The following LRRC7 variants were observed in gnomAD, a reference collection of about 807,000 sequenced individuals.
The protein encoded by LRRC7 is leucine rich repeat containing 7, also known as leucine-rich repeat-containing protein 7.
LRRC7 carries 23 observed loss-of-function variants against 175.7 expected under a neutral mutation model. The ratio of observed to expected loss-of-function variants is 0.13; its 90% CI spans 0.09 to 0.19. LRRC7 has a LOEUF of 0.19. LRRC7 is among the 10% of genes least tolerant of loss of function. The probability of loss-of-function intolerance (pLI) is 1.00; values close to 1 mark genes in which losing one functional copy is unlikely to be tolerated. For synonymous variants in LRRC7, 685 were observed against 680.9 expected (o/e 1.01, Z -0.09); for missense variants, 1,354 against 1,904.7 (o/e 0.71, Z 5.38).
intron 2 of LRRC7, among the ~76,000 whole-genome samples, chr1:69,746,142 C>T (rs995790759): frequency 6.6e-6 from 1 of 151,896 alleles, no homozygotes; most frequent in Non-Finnish European, 1.5e-5. Flanking sequence ...CTTCAATTTA[C>T]ATCCATGATG....
At chr1:69,797,978 A>C (rs1385202614) in intron 4 of LRRC7, among the ~76,000 whole-genome samples, 1 of 151,894 alleles carries the variant, frequency 6.6e-6, no homozygotes, top group Non-Finnish European at 1.5e-5. Context: ...CTGGAGTGCA[A>C]TGGCATGATC....
intron 7 of LRRC7, among the ~76,000 whole-genome samples, chr1:69,859,397 A>G (rs1486994134): frequency 6.6e-6 from 1 of 152,094 alleles, no homozygotes; most frequent in Non-Finnish European, 1.5e-5. Context: ...TCACACACCT[A>G]TATAGAAGGC....
intron 5 of LRRC7, among the ~76,000 whole-genome samples, chr1:69,827,574 G>T (rs1057410438): frequency 6.6e-6 from 1 of 151,982 alleles, no homozygotes; most frequent in South Asian, 2.1e-4. Flanking sequence ...CTCTGGCCAG[G>T]CATGGTTGCT....
intron 21 of LRRC7, among the ~76,000 whole-genome samples, chr1:70,043,045 A>G (rs886705395): frequency 6.6e-6 from 1 of 152,096 alleles, no homozygotes; most frequent in Admixed American, 6.5e-5. Context: ...AAATGCTGTC[A>G]ATGATTACAT....
intron 1 of LRRC7, among the ~76,000 whole-genome samples, chr1:69,659,647 G>A (rs1035556320): frequency 6.6e-6 from 1 of 151,754 alleles, no homozygotes; most frequent in African/African-American, 2.4e-5. Context: ...TTTTCAACAA[G>A]AGGGACAAAA....
intron 1 of LRRC7, among the ~76,000 whole-genome samples, chr1:69,598,529 T>C (rs1179869786): frequency 3.3e-5 from 5 of 152,156 alleles, no homozygotes; most frequent in South Asian, 2.1e-4. Context: ...TCCTTCTTGC[T>C]AGGGGAAGTC....
chr1:69,740,976 G>T (rs11801428), intron 2 of LRRC7, among the ~76,000 whole-genome samples: 3,489 of 151,896 alleles, frequency 0.023, 141 homozygotes, highest in African/African-American at 0.08. Flanking sequence ...TGTAAATATT[G>T]TATATATGTA....
In LRRC7 at chr1:69,623,008, T is replaced by G. The variant is rs989465213; in HGVS notation, c.2+54367T>G. 5.3e-5 allele frequency among the ~76,000 whole-genome samples: 8 copies of G among 152,294 alleles called. 1 individual carries two copies. ...TCTGGACAAGAACCAAGTTGTCTAC[T>G]GCTGGGGATGTTCAGAGTATCCCTG... On this transcript the variant is annotated intron_variant, in intron 1 of 26. Coordinates refer to ENST00000651989, the MANE Select transcript of LRRC7 (RefSeq NM_001370785.2).
rs565165474 is a variant in LRRC7 at position 70,010,108 on chromosome 1, G to T, written c.1005-1689G>T. On this transcript the variant is annotated intron_variant, in intron 11 of 26. Coordinates refer to ENST00000651989, the MANE Select transcript of LRRC7 (RefSeq NM_001370785.2). Reference sequence around the variant, plus strand: ...AATCTGCTTTGTTTTTTGAGCTGTGGTGTTCTGTATTTAATTTATTGATAC... The same window carrying T: ...AATCTGCTTTGTTTTTTGAGCTGTGTTGTTCTGTATTTAATTTATTGATAC... Among the ~76,000 whole-genome samples the T allele has an allele frequency of 2.0e-5, 3 of 152,208 alleles. No homozygotes were observed. In the East Asian group the frequency reaches 5.8e-4, roughly 29 times the overall value.
rs939393943 is a variant in LRRC7 at position 70,033,140 on chromosome 1, A to G, written c.1996-2981A>G. 9.8e-5 allele frequency among the ~76,000 whole-genome samples: 15 copies of G among 152,328 alleles called. 1 individual carries two copies. The highest frequency in any genetic ancestry group is 5.9e-5 in the Non-Finnish European group (4 of 68,016). On this transcript the variant is annotated intron_variant, in intron 18 of 26. Transcript: ENST00000651989. ...ATGTGAGAAATGAGCTGTTCTCAGG[A>G]TAGACAATACAGCATACACAGTATC...
In LRRC7 at chr1:69,649,864, C is replaced by A. The variant is rs995225933; in HGVS notation, c.3-28517C>A. On this transcript the variant is annotated intron_variant, in intron 1 of 26. Transcript: ENST00000651989. Reference sequence around the variant, plus strand: ...AATCAAAGTGATTGAAAAAAAAAAACCAAAAACACCCTCACAGGATAATTC... The same window carrying A: ...AATCAAAGTGATTGAAAAAAAAAAAACAAAAACACCCTCACAGGATAATTC... 1.2e-4 allele frequency among the ~76,000 whole-genome samples: 17 copies of A among 145,294 alleles called. No individual in the cohort carries two copies. The East Asian group carries it at 1.2e-3, about 10-fold the overall frequency.
At chr1:70,054,651 G>GC (rs1200017433) in intron 23 of LRRC7, among the ~76,000 whole-genome samples, 2 of 133,752 alleles carry the variant, frequency 1.5e-5, no homozygotes, top group African/African-American at 6.1e-5. Context: ...GAGCGCAGTG[G>GC]CGCGATCTCT....
chr1:69,799,271 G>A (rs560003355), intron 4 of LRRC7, among the ~76,000 whole-genome samples: 1 of 152,110 alleles, frequency 6.6e-6, no homozygotes, highest in South Asian at 2.1e-4. Context: ...ACAATGCATA[G>A]TGGTAAATTC....
At chr1:69,913,766 G>T (rs1646605311) in intron 7 of LRRC7, among the ~76,000 whole-genome samples, 1 of 152,112 alleles carries the variant, frequency 6.6e-6, no homozygotes, top group Non-Finnish European at 1.5e-5. Flanking sequence ...ACCCACCTCG[G>T]CCTCCCAAAG....
At position 69,956,180 on chromosome 1, in the gene LRRC7, T is replaced by G. The variant is rs1439629004; in HGVS notation, c.712-24199T>G. Reference sequence around the variant, plus strand: ...TTTGGTCAGGTAGACTAATATTATTTTACACAATTTCTTTAGTTTTTCCTC... The same window carrying G: ...TTTGGTCAGGTAGACTAATATTATTGTACACAATTTCTTTAGTTTTTCCTC... On this transcript the variant is annotated intron_variant, in intron 8 of 26. Transcript: ENST00000651989. Among the ~76,000 whole-genome samples the G allele has an allele frequency of 2.6e-5, 4 of 152,026 alleles. No homozygotes were observed. The East Asian group carries it at 7.7e-4, about 29-fold the overall frequency.
At chr1:69,726,087 A>T (rs142677236) in intron 2 of LRRC7, among the ~76,000 whole-genome samples, 1 of 152,180 alleles carries the variant, frequency 6.6e-6, no homozygotes, top group Non-Finnish European at 1.5e-5. Context: ...AGTCATTTCA[A>T]TGTAGTCAAA....
At chr1:69,646,845 A>G (rs1655068806) in intron 1 of LRRC7, among the ~76,000 whole-genome samples, 1 of 152,118 alleles carries the variant, frequency 6.6e-6, no homozygotes, top group Non-Finnish European at 1.5e-5. Flanking sequence ...AATCTGAAAT[A>G]GGGTTTAAGG....
intron 23 of LRRC7, among the ~76,000 whole-genome samples, chr1:70,069,741 A>G (rs569123232): frequency 6.6e-5 from 10 of 152,220 alleles, no homozygotes; most frequent in African/African-American, 2.4e-4. Context: ...TGATTATTAG[A>G]ACTTTTGTAT....
chr1:69,636,925 ATTCATGATGT>A (rs748853377), intron 1 of LRRC7, among the ~76,000 whole-genome samples: 6 of 151,982 alleles, frequency 3.9e-5, no homozygotes, highest in Admixed American at 2.0e-4. Context: ...CTAATATTTT[ATTCATGATGT>A]TTCAACTTTG....
Sources: gnomAD v4.1 joint callset for allele counts (sites outside exome capture counted in the v4.1 genomes callset) on GRCh38, gnomAD v4.1.1 for gene constraint, MANE v1.5 for transcripts, NCBI Gene and HGNC (gene_info 2026-07-23, HGNC 2026-07-21) for gene names.